TBL1XR1: variants seen among roughly 807,000 people sequenced by gnomAD.
TBL1XR1 encodes the protein F-box-like/WD repeat-containing protein TBL1XR1.
In TBL1XR1, 5 loss-of-function variants were observed where a neutral mutation model predicts 66.9. That is an observed-to-expected ratio of 0.07 (90% CI 0.04 to 0.16). TBL1XR1 has a LOEUF of 0.16. Ranked by LOEUF, TBL1XR1 falls within the 10% of genes least tolerant of loss-of-function variation. The pLI, the probability that TBL1XR1 is intolerant of heterozygous loss-of-function variation, is 1.00. For synonymous variants in TBL1XR1, 210 were observed against 206.0 expected (o/e 1.02, Z -0.17); for missense variants, 238 against 623.2 (o/e 0.38, Z 6.58).
upstream of TBL1XR1, among the ~76,000 whole-genome samples, chr3:177,198,709 GCTT>G (rs1017543067): frequency 1.3e-5 from 2 of 152,030 alleles, no homozygotes; most frequent in African/African-American, 4.8e-5. Context: ...TTGTTATTTC[GCTT>G]ATTACTGCCT....
intron 14 of TBL1XR1, among the ~76,000 whole-genome samples, chr3:177,030,253 G>C (rs980915188): frequency 6.0e-5 from 9 of 151,246 alleles, no homozygotes; most frequent in African/African-American, 2.2e-4. Flanking sequence ...CCCCCAATAG[G>C]AAAATAAATT....
At chr3:177,025,764 C>T (rs1713023675) in intron 15 of TBL1XR1, among the ~76,000 whole-genome samples, 1 of 152,086 alleles carries the variant, frequency 6.6e-6, no homozygotes, top group African/African-American at 2.4e-5. Flanking sequence ...GATTTTTATA[C>T]TCTCTGTTGA....
chr3:177,036,353 G>A (rs1312449862), intron 12 of TBL1XR1, among the ~76,000 whole-genome samples: 6 of 152,134 alleles, frequency 3.9e-5, no homozygotes, highest in Non-Finnish European at 4.4e-5. Flanking sequence ...ATGACTCAGC[G>A]TCACCTTCTC....
intron 2 of TBL1XR1, among the ~76,000 whole-genome samples, chr3:177,077,830 T>C (rs1020759345): frequency 2.0e-4 from 31 of 152,358 alleles, no homozygotes; most frequent in Middle Eastern, 6.8e-3. Context: ...TACCCCTAAG[T>C]GCAGTTTTAT....
rs530457218 is a variant in TBL1XR1, at chr3:177,043,726, T to G, written c.925+2403A>C. Reference sequence around the variant, plus strand: ...GTCATATGGTTACATTTAAATTTACTGTACTTCTGTTTATCTCTTCTGTTC... The same window carrying G: ...GTCATATGGTTACATTTAAATTTACGGTACTTCTGTTTATCTCTTCTGTTC... On this transcript the variant is annotated intron_variant, in intron 10 of 15. Transcript: ENST00000457928. Among the ~76,000 whole-genome samples the G allele has an allele frequency of 5.9e-5, 9 of 152,324 alleles. 1 individual carries two copies. Among genetic ancestry groups the G allele is most frequent in the African/African-American group, 2.2e-4 (9 of 41,580 alleles).
upstream of TBL1XR1, among the ~76,000 whole-genome samples, chr3:177,199,258 G>A (rs1328465339): frequency 6.6e-6 from 1 of 152,350 alleles, no homozygotes; most frequent in East Asian, 1.9e-4. Flanking sequence ...AGTGTACAGG[G>A]AAACCGCACA....
chr3:177,200,567 G>A (rs1265516936), upstream of TBL1XR1, among the ~76,000 whole-genome samples: 3 of 152,184 alleles, frequency 2.0e-5, no homozygotes, highest in Non-Finnish European at 2.9e-5. Context: ...ACTGGGTGAG[G>A]AAAGGACAAA....
intron 2 of TBL1XR1, among the ~76,000 whole-genome samples, chr3:177,088,153 T>C (rs1290063420): frequency 6.6e-6 from 1 of 152,176 alleles, no homozygotes; most frequent in Non-Finnish European, 1.5e-5. Context: ...ATGAAAATAG[T>C]AATTCACCAT....
At chr3:177,118,197 CAG>C (rs1577220760) in intron 1 of TBL1XR1, among the ~76,000 whole-genome samples, 1 of 152,184 alleles carries the variant, frequency 6.6e-6, no homozygotes, top group Non-Finnish European at 1.5e-5. Flanking sequence ...TTCCAGATCC[CAG>C]AGTCTGTTAT....
At chr3:177,191,311 A>C (rs2109008269) in intron 1 of TBL1XR1, among the ~76,000 whole-genome samples, 1 of 152,348 alleles carries the variant, frequency 6.6e-6, no homozygotes, top group South Asian at 2.1e-4. Flanking sequence ...AATGAATAAG[A>C]AAGGTTGCTC....
intron 12 of TBL1XR1, chr3:177,037,385 G>A (rs1714946056): frequency 6.6e-6 from 1 of 152,150 alleles, no homozygotes; most frequent in South Asian, 2.1e-4. Context: ...TCTTGACTGA[G>A]TCACAGGGTA....
At chr3:177,118,974 T>C (rs1726652424) in intron 1 of TBL1XR1, among the ~76,000 whole-genome samples, 1 of 152,108 alleles carries the variant, frequency 6.6e-6, no homozygotes, top group Non-Finnish European at 1.5e-5. Flanking sequence ...CAGGTTTTTT[T>C]TGTTTTTTGT....
intron 1 of TBL1XR1, among the ~76,000 whole-genome samples, chr3:177,151,593 T>A (rs961569964): frequency 6.6e-6 from 1 of 152,152 alleles, no homozygotes; most frequent in African/African-American, 2.4e-5. Flanking sequence ...TGGTCCCTGG[T>A]GCCAAAAAGG....
chr3:177,092,098 C>T (rs1722906940), intron 2 of TBL1XR1, among the ~76,000 whole-genome samples: 1 of 152,124 alleles, frequency 6.6e-6, no homozygotes, highest in Non-Finnish European at 1.5e-5. Context: ...TGCAGTATAA[C>T]GGTTTAGCGC....
intron 2 of TBL1XR1, among the ~76,000 whole-genome samples, chr3:177,078,401 C>G (rs1197622778): frequency 6.6e-6 from 1 of 150,416 alleles, no homozygotes; most frequent in Non-Finnish European, 1.5e-5. Flanking sequence ...TAGGGAGACC[C>G]AGGATCTACA....
chr3:177,024,744 A>G lies in TBL1XR1; in HGVS notation c.*754T>C, dbSNP rs1275487631. On this transcript the variant is annotated 3_prime_UTR_variant, in exon 16 of 16. Coordinates refer to ENST00000457928, the MANE Select transcript of TBL1XR1 (RefSeq NM_024665.7). ...AAAAAAAAAAAAGCAAAACAAAAAA[A>G]CAAAACCAACAGAGCATAATACCCT... 2 of 151,982 alleles carry G rather than the reference A, an allele frequency of 1.3e-5. No individual in the cohort carries two copies. The highest frequency in any genetic ancestry group is 2.4e-5 in the African/African-American group (1 of 41,454). The allele number at this position is 151,982 out of a possible 1,614,324, so 9.4% of individuals were successfully genotyped here. A position where few individuals can be genotyped will look rare whatever the true frequency, so the allele number is the denominator to read the frequency against.
intron 7 of TBL1XR1, among the ~76,000 whole-genome samples, chr3:177,048,336 G>A (rs1716598480): frequency 6.6e-6 from 1 of 152,158 alleles, no homozygotes; most frequent in Non-Finnish European, 1.5e-5. Flanking sequence ...ACAGACTATT[G>A]CTAGAATCAG....
upstream of TBL1XR1, among the ~76,000 whole-genome samples, chr3:177,197,620 G>C (rs1358172380): frequency 7.3e-6 from 1 of 136,948 alleles, no homozygotes; most frequent in African/African-American, 2.6e-5. Flanking sequence ...GGCCTGCGCC[G>C]GGCGGGCGGG....
At chr3:177,107,106 TA>T (rs539651365) in intron 1 of TBL1XR1, among the ~76,000 whole-genome samples, 131 of 150,046 alleles carry the variant, frequency 8.7e-4, no homozygotes, top group African/African-American at 2.9e-3. Flanking sequence ...TAGGCCTCTT[TA>T]AAAAAAAAAT....
Sources: gnomAD v4.1 joint callset for allele counts (sites outside exome capture counted in the v4.1 genomes callset) on GRCh38, gnomAD v4.1.1 for gene constraint, MANE v1.5 for transcripts, NCBI Gene and HGNC (gene_info 2026-07-23, HGNC 2026-07-21) for gene names.